LRRIQ1: variants seen among roughly 807,000 people sequenced by gnomAD.
LRRIQ1 encodes leucine rich repeats and IQ motif containing 1, also known as leucine-rich repeat- and IQ domain-containing protein 1.
LRRIQ1 carries 210 observed loss-of-function variants against 211.9 expected under a neutral mutation model. The ratio of observed to expected loss-of-function variants is 0.99; its 90% CI spans 0.89 to 1.11. The LOEUF is 1.11. Ranked by LOEUF, LRRIQ1 falls within the 50% of genes most tolerant of loss-of-function variation. LRRIQ1 has a pLI of 0.00. For synonymous variants in LRRIQ1, 699 were observed against 650.1 expected (o/e 1.08, Z -1.14); for missense variants, 2,136 against 1,939.5 (o/e 1.10, Z -1.90).
chr12:85,066,985 A>T, intron 10 of LRRIQ1, 87 bp downstream of exon 10: 3 of 634,556 alleles, frequency 4.7e-6, no homozygotes, highest in Non-Finnish European at 7.2e-6. Flanking sequence ...GTAGGCCACC[A>T]TCACAAATCT....
downstream of LRRIQ1, among the ~76,000 whole-genome samples, chr12:85,267,812 G>T (rs555007536): frequency 6.6e-6 from 1 of 152,106 alleles, no homozygotes. Context: ...AAAGTTAAAA[G>T]AACTTTTGTT....
chr12:85,102,959 A>AAAATATATATATATAT (rs1458673370), intron 13 of LRRIQ1, among the ~76,000 whole-genome samples: 5 of 108,466 alleles, frequency 4.6e-5, no homozygotes, highest in African/African-American at 2.1e-4. Flanking sequence ...AAAAAAAAAA[A>AAAATATATATATATAT]ATATATATAT....
intron 11 of LRRIQ1, among the ~76,000 whole-genome samples, chr12:85,095,265 C>T (rs1220283326): frequency 6.6e-6 from 1 of 151,988 alleles, no homozygotes; most frequent in African/African-American, 2.4e-5. Flanking sequence ...ATATAGGGCT[C>T]TAATTATTTT....
chr12:85,236,345 C>T (rs1895171147), intron 26 of LRRIQ1, among the ~76,000 whole-genome samples: 1 of 152,084 alleles, frequency 6.6e-6, no homozygotes, highest in Non-Finnish European at 1.5e-5. Flanking sequence ...TTCAGTGCCT[C>T]ATTTAACAGA....
chr12:85,185,287 A>G lies in LRRIQ1; in HGVS notation c.4822+24573A>G, dbSNP rs192282230. Among the ~76,000 whole-genome samples the G allele has an allele frequency of 4.0e-3, 614 of 151,938 alleles. 1 individual carries two copies. The highest frequency in any genetic ancestry group is 7.2e-3 in the Non-Finnish European group (490 of 67,816). On this transcript the variant is annotated intron_variant, in intron 24 of 26. Coordinates refer to ENST00000393217, the MANE Select transcript of LRRIQ1 (RefSeq NM_001079910.2). ...TAATTTGTTTTACTGTGTGTTTCAT[A>G]TGGAATTATATCATGGAAATGTGTA... is the stretch of plus-strand genomic sequence containing the variant.
At chr12:85,202,761 TG>T (rs1343990754) in intron 24 of LRRIQ1, among the ~76,000 whole-genome samples, 1 of 152,186 alleles carries the variant, frequency 6.6e-6, no homozygotes, top group African/African-American at 2.4e-5. Context: ...GCCATTTGAT[TG>T]GGGCATTTAG....
chr12:85,048,863 A>G (rs1284583397), intron 6 of LRRIQ1, among the ~76,000 whole-genome samples: 1 of 152,182 alleles, frequency 6.6e-6, no homozygotes, highest in Non-Finnish European at 1.5e-5. Context: ...GAAACATCTG[A>G]TTTCAATCCT....
At chr12:85,071,384 CT>C (rs1198435136) in intron 10 of LRRIQ1, among the ~76,000 whole-genome samples, 4 of 151,884 alleles carry the variant, frequency 2.6e-5, no homozygotes, top group South Asian at 2.1e-4. Context: ...TTTTCCATAG[CT>C]ACTTAATATT....
chr12:85,087,762 A>C (rs1251425536), intron 11 of LRRIQ1, among the ~76,000 whole-genome samples: 3 of 152,170 alleles, frequency 2.0e-5, no homozygotes, highest in Non-Finnish European at 2.9e-5. Flanking sequence ...GTGTCTGTTC[A>C]TATCCTTTGT....
At position 85,056,292 on chromosome 12, in the gene LRRIQ1, A is replaced by G. The variant is rs1565792361; in HGVS notation, c.1499A>G (p.Glu500Gly). The change falls in exon 8 of 27, where the codon GAA becomes GGA. Residue 500 changes from glutamate to glycine, a missense_variant. Physicochemically the swap from Glu to Gly is moderately conservative, Grantham distance 98 (BLOSUM62 -2). Coordinates refer to ENST00000393217, the MANE Select transcript of LRRIQ1 (RefSeq NM_001079910.2). The stretch of plus-strand genomic sequence containing the variant: ...TGTTCAGAAGAATTGGTCAAGCAAG[A>G]AAGAAAATATGAAAATACAGATAAC... ...KRCSEELVKQERKYENTDNKT... is the reference protein window; with the variant it reads ...KRCSEELVKQGRKYENTDNKT... 1.3e-6 allele frequency: 2 copies of G among 1,586,592 alleles called. No homozygotes were observed.
At chr12:85,068,022 T>C (rs1882628555) in intron 10 of LRRIQ1, among the ~76,000 whole-genome samples, 1 of 151,962 alleles carries the variant, frequency 6.6e-6, no homozygotes, top group African/African-American at 2.4e-5. Context: ...GATGCTGAAA[T>C]AAAAATTGTA....
chr12:85,151,079 A>G (rs1174262726), intron 19 of LRRIQ1, among the ~76,000 whole-genome samples: 1 of 151,344 alleles, frequency 6.6e-6, no homozygotes, highest in African/African-American at 2.4e-5. Context: ...CTCTCATATA[A>G]CTGACAAATA....
intron 15 of LRRIQ1, among the ~76,000 whole-genome samples, chr12:85,108,030 A>AT (rs894142464): frequency 7.3e-5 from 11 of 151,660 alleles, no homozygotes; most frequent in African/African-American, 2.7e-4. Flanking sequence ...CTTGTATTGA[A>AT]TTTTTTTTCA....
At chr12:85,270,352 C>A in the LRRIQ1 span, among the ~76,000 whole-genome samples, 1 of 151,962 alleles carries the variant, frequency 6.6e-6, no homozygotes, top group Non-Finnish European at 1.5e-5. Context: ...TCCTGAGTCA[C>A]AAAAATCATG....
At chr12:85,152,085 G>A (rs1256712246) in intron 19 of LRRIQ1, among the ~76,000 whole-genome samples, 195 bp from the exon 20 acceptor site, 1 of 151,652 alleles carries the variant, frequency 6.6e-6, no homozygotes, top group Non-Finnish European at 1.5e-5. Context: ...ACTTAGGGAT[G>A]AAAAGTCTTA....
intron 6 of LRRIQ1, among the ~76,000 whole-genome samples, chr12:85,048,746 A>G (rs1879951416): frequency 6.6e-6 from 1 of 152,178 alleles, no homozygotes; most frequent in Non-Finnish European, 1.5e-5. Flanking sequence ...TAAAAAAAAG[A>G]AATCCAAAAT....
rs114651341 is a variant in LRRIQ1, at chr12:85,144,165, A to G, written c.4329+6196A>G. On this transcript the variant is annotated intron_variant, in intron 19 of 26. Coordinates refer to ENST00000393217, the MANE Select transcript of LRRIQ1 (RefSeq NM_001079910.2). ...CAACTTATAAGTGAGAACATGCAGT[A>G]TTTGGTTTTCTGAACCTGCATTAGT... 4.1e-3 allele frequency among the ~76,000 whole-genome samples: 625 copies of G among 151,682 alleles called. 4 individuals are homozygous for G. Among genetic ancestry groups the G allele is most frequent in the African/African-American group, 0.014 (595 of 41,442 alleles).
chr12:85,057,145 G>A lies in LRRIQ1; in HGVS notation c.2352G>A (p.Leu784=). 1 of 1,564,314 alleles carries A rather than the reference G, an allele frequency of 6.4e-7. No individual in the cohort carries two copies. The highest frequency in any genetic ancestry group is 2.3e-5 in the East Asian group (1 of 43,906). Residue 784 remains leucine, a synonymous_variant, in exon 8 of 27, where the codon CTG becomes CTA. Coordinates refer to ENST00000393217, the MANE Select transcript of LRRIQ1 (RefSeq NM_001079910.2). ...ACATGACACCCGCTTTGGATAAACT[G>A]GAAATTCTTCGATGTGGCCCTTGGG... The part of the protein sequence containing the change: ...PANMTPALDK[L]EILRCGPWDT...
intron 1 of LRRIQ1, among the ~76,000 whole-genome samples, chr12:85,258,758 C>A (rs920336274): frequency 6.6e-6 from 1 of 151,808 alleles, no homozygotes; most frequent in South Asian, 2.1e-4. Context: ...GCTGTATCTG[C>A]TGTTAAGTAA....
Sources: allele counts gnomAD v4.1 joint callset (sites outside exome capture counted in the v4.1 genomes callset), GRCh38; gene constraint gnomAD v4.1.1; transcripts MANE v1.5; gene names NCBI Gene and HGNC (gene_info 2026-07-23, HGNC 2026-07-21).